Variants in MRC2 observed in about 807,000 individuals in gnomAD.
The protein encoded by MRC2 is mannose receptor C-type 2, also known as C-type mannose receptor 2.
MRC2 carries 84 observed loss-of-function variants against 206.2 expected under a neutral mutation model. The observed-to-expected ratio is 0.41, with a 90% CI of 0.34 to 0.49. The LOEUF is 0.49. Ranked by LOEUF, MRC2 falls within the 20% of genes least tolerant of loss-of-function variation. MRC2 has a pLI of 0.31. For synonymous variants in MRC2, 798 were observed against 800.0 expected (o/e 1.00, Z 0.04); for missense variants, 1,676 against 2,001.5 (o/e 0.84, Z 3.10).
At chr17:62,631,950 G>T (rs1008354118) in intron 1 of MRC2, among the ~76,000 whole-genome samples, 1 of 152,156 alleles carries the variant, frequency 6.6e-6, no homozygotes, top group Non-Finnish European at 1.5e-5. Context: ...CGTGTCTCCA[G>T]TGGGGGTCCC....
chr17:62,640,636 C>T (rs2088389902), intron 1 of MRC2, among the ~76,000 whole-genome samples: 2 of 152,108 alleles, frequency 1.3e-5, no homozygotes, highest in African/African-American at 4.8e-5. Flanking sequence ...CCCTCAGCCT[C>T]CGCAGTAGCT....
chr17:62,637,934 C>A (rs1456596628), intron 1 of MRC2, among the ~76,000 whole-genome samples: 1 of 152,164 alleles, frequency 6.6e-6, no homozygotes, highest in African/African-American at 2.4e-5. Flanking sequence ...AGTGCAATGG[C>A]ACTCACGGGA....
At chr17:62,659,725 G>A (rs968593071) in intron 1 of MRC2, among the ~76,000 whole-genome samples, 1 of 152,204 alleles carries the variant, frequency 6.6e-6, no homozygotes, top group Non-Finnish European at 1.5e-5. Context: ...TCCAAGTGCT[G>A]TTAGAGGACA....
In MRC2 at chr17:62,674,095, G is replaced by C; in HGVS notation, c.1494G>C (p.Gln498His). ...EGRWNDSPCN[Q>H]SLPSICKKAG... ...GCTGGAACGACAGTCCCTGTAACCA[G>C]TCCTTGCCATCCATCTGCAAGAAGG... Residue 498 changes from glutamine to histidine, a missense_variant, in exon 9 of 30, where the codon CAG becomes CAC. Transcript: ENST00000303375. 1 of 1,555,302 alleles carries C rather than the reference G, an allele frequency of 6.4e-7. No individual in the cohort carries two copies. The highest frequency in any genetic ancestry group is 1.2e-5 in the South Asian group (1 of 84,224).
At chr17:62,639,551 A>C (rs8067171) in intron 1 of MRC2, among the ~76,000 whole-genome samples, 100,257 of 152,100 alleles carry the variant, frequency 0.66, 33,270 homozygotes, top group East Asian at 0.81. Context: ...ATATGTAAGA[A>C]TTCCTATCCT....
chr17:62,680,271 C>T lies in MRC2; in HGVS notation c.2400C>T (p.Cys800=). The part of the protein sequence containing the change: ...LASLQWVAMQ[C]DTQLDWICKI... ...CCCTGCAGTGGGTGGCCATGCAGTG[C>T]GACACACAGCTGGACTGGATCTGCA... The change falls in exon 15 of 30, where the codon TGC becomes TGT. Residue 800 remains cysteine (C), a synonymous_variant. Coordinates refer to ENST00000303375, the MANE Select transcript of MRC2 (RefSeq NM_006039.5). The surrounding 1 kb of genome is among the most constrained non-coding windows in gnomAD (Gnocchi z 4.8). 6.2e-7 allele frequency: 1 copy of T among 1,614,000 alleles called. No individual in the cohort carries two copies. Among genetic ancestry groups the T allele is most frequent in the Non-Finnish European group, 8.5e-7 (1 of 1,179,978 alleles).
Position 62,674,136 on chromosome 17 carries a change from A to AG in MRC2, c.1540dup (p.Ala514GlyfsTer31). 1 of 1,554,620 alleles carries AG rather than the reference A, an allele frequency of 6.4e-7. No homozygotes were observed. Among genetic ancestry groups the AG allele is most frequent in the Non-Finnish European group, 8.7e-7 (1 of 1,148,788 alleles). On this transcript the variant is annotated frameshift_variant, in exon 9 of 30. Transcript: ENST00000303375. LOFTEE classifies it high-confidence loss of function. ...TGCAAGAAGGCAGGCCAGCTGAGCC[A>AG]GGGGGCCGCCGAGGAGGACCATGGC... is the stretch of plus-strand genomic sequence containing the variant.
chr17:62,636,234 G>C (rs1271025066), intron 1 of MRC2, among the ~76,000 whole-genome samples: 1 of 141,742 alleles, frequency 7.1e-6, no homozygotes, highest in Non-Finnish European at 1.5e-5. Flanking sequence ...CTGGGCAACA[G>C]AGTGAGACCC....
intron 1 of MRC2, among the ~76,000 whole-genome samples, chr17:62,659,359 G>A (rs1274647073): frequency 6.6e-6 from 1 of 152,110 alleles, no homozygotes; most frequent in Non-Finnish European, 1.5e-5. Flanking sequence ...GGCCAACATG[G>A]TGAAACTGCG....
chr17:62,655,669 T>C (rs1598976992), intron 1 of MRC2, among the ~76,000 whole-genome samples: 1 of 135,678 alleles, frequency 7.4e-6, no homozygotes, highest in East Asian at 2.2e-4. Flanking sequence ...CAGTGAGCTA[T>C]GATCATGCCA....
chr17:62,679,509 G>A (rs1015837493), intron 13 of MRC2: 5 of 246,058 alleles, frequency 2.0e-5, no homozygotes, highest in Admixed American at 2.0e-4. Context: ...AAAGCCTGCA[G>A]AATCTTGCTG....
chr17:62,672,709 C>T lies in MRC2; in HGVS notation c.1461+557C>T, dbSNP rs955353189. 1.3e-5 allele frequency among the ~76,000 whole-genome samples: 2 copies of T among 152,212 alleles called. No individual in the cohort carries two copies. The highest frequency in any genetic ancestry group is 4.8e-5 in the African/African-American group (2 of 41,532). ...AAGACCCTTAAAAAAGGGACAAAGC[C>T]AGCTGAGTGTGGTGGCTCATGCCTA... On this transcript the variant is annotated intron_variant, in intron 8 of 29. Transcript: ENST00000303375. This position sits in a 1 kb window ranked among gnomAD's most constrained non-coding sequence, Gnocchi z 4.5.
intron 20 of MRC2, among the ~76,000 whole-genome samples, chr17:62,686,884 C>T (rs2089038565): frequency 1.3e-5 from 2 of 152,224 alleles, no homozygotes; most frequent in Non-Finnish European, 2.9e-5. Flanking sequence ...TGCATTATTT[C>T]TGGGCTTACA....
chr17:62,662,559 G>A (rs188963247), intron 1 of MRC2, among the ~76,000 whole-genome samples: 222 of 152,254 alleles, frequency 1.5e-3, no homozygotes, highest in Non-Finnish European at 2.5e-3. Flanking sequence ...ATGAGGAAAC[G>A]GCATAGAGAG....
At chr17:62,628,575 G>T (rs1487863510) in intron 1 of MRC2, among the ~76,000 whole-genome samples, 1 of 152,230 alleles carries the variant, frequency 6.6e-6, no homozygotes, top group Admixed American at 6.5e-5. Flanking sequence ...CTGTGATGTT[G>T]CGTAGCGTGG....
chr17:62,663,002 G>A (rs2147461783), intron 1 of MRC2, among the ~76,000 whole-genome samples: 1 of 152,330 alleles, frequency 6.6e-6, no homozygotes. Context: ...GGGAGCTAGT[G>A]GCTAGTGGAT....
intron 20 of MRC2, among the ~76,000 whole-genome samples, chr17:62,685,546 T>C (rs2089022099): frequency 1.3e-5 from 2 of 152,166 alleles, no homozygotes; most frequent in South Asian, 4.1e-4. Context: ...TTTGTTTTTG[T>C]TTTTGAGACA....
chr17:62,670,330 C>T (rs980602866), intron 6 of MRC2, among the ~76,000 whole-genome samples: 1 of 152,214 alleles, frequency 6.6e-6, no homozygotes, highest in Non-Finnish European at 1.5e-5. Context: ...TTGTCTGGGG[C>T]GGCAGCCTCA....
rs768902047 is a variant in MRC2, at chr17:62,690,211, A to C, written c.3798A>C (p.Ala1266=). Reference sequence around the variant, plus strand: ...ATGGCAGCTGTCCCCAGGGACTGGCAGACTCCGCGTGGATTCCCTTCCGGG... The same window carrying C: ...ATGGCAGCTGTCCCCAGGGACTGGCCGACTCCGCGTGGATTCCCTTCCGGG... ...SYHGSCPQGL[A]DSAWIPFREH... The change falls in exon 26 of 30, where the codon GCA becomes GCC. Residue 1266 remains alanine, a synonymous_variant. Transcript: ENST00000303375. 1 of 1,612,750 alleles carries C rather than the reference A, an allele frequency of 6.2e-7. No individual in the cohort carries two copies. Among genetic ancestry groups the C allele is most frequent in the South Asian group, 1.1e-5 (1 of 91,048 alleles).
Sources: allele counts gnomAD v4.1 joint callset (sites outside exome capture counted in the v4.1 genomes callset), GRCh38; gene constraint gnomAD v4.1.1; non-coding constraint Gnocchi (gnomAD v3.1); transcripts MANE v1.5; gene names NCBI Gene and HGNC (gene_info 2026-07-23, HGNC 2026-07-21).